The following CTNNA2 variants were observed in gnomAD, a reference collection of about 807,000 sequenced individuals.
CTNNA2 encodes catenin alpha 2.
CTNNA2 carries 42 observed loss-of-function variants against 101.0 expected under a neutral mutation model. The observed-to-expected ratio is 0.42, with a 90% confidence interval of 0.32 to 0.54. The LOEUF (loss-of-function observed/expected upper bound fraction) is 0.54, where lower values mean the gene tolerates loss of function less well. CTNNA2 is among the 20% of genes least tolerant of loss of function. The pLI, the probability that CTNNA2 is intolerant of heterozygous loss-of-function variation, is 0.14. For synonymous variants in CTNNA2, 450 were observed against 456.4 expected (o/e 0.99, Z 0.18); for missense variants, 871 against 1,223.1 (o/e 0.71, Z 4.29).
intron 9 of CTNNA2, among the ~76,000 whole-genome samples, chr2:80,521,074 G>T (rs1030208911): frequency 1.3e-5 from 2 of 152,294 alleles, no homozygotes; most frequent in Admixed American, 6.5e-5. Flanking sequence ...TGATGAGAAA[G>T]CCAGCTGTGA....
At chr2:80,281,758 T>A in intron 7 of CTNNA2, among the ~76,000 whole-genome samples, 1 of 152,204 alleles carries the variant, frequency 6.6e-6, no homozygotes, top group East Asian at 1.9e-4. Flanking sequence ...TTAATGAAAT[T>A]ACTTAAATAT....
At chr2:80,169,193 G>C (rs1296957125) in intron 7 of CTNNA2, among the ~76,000 whole-genome samples, 1 of 152,206 alleles carries the variant, frequency 6.6e-6, no homozygotes, top group Non-Finnish European at 1.5e-5. Flanking sequence ...GCTGTGGATG[G>C]ATCCCCCAAA....
chr2:80,122,754 C>A (rs1219307834), intron 7 of CTNNA2, among the ~76,000 whole-genome samples: 1 of 152,090 alleles, frequency 6.6e-6, no homozygotes, highest in African/African-American at 2.4e-5. Flanking sequence ...TGTGTGTGCG[C>A]ATGTGCATAT....
chr2:80,026,089 A>C (rs903767445), intron 7 of CTNNA2, among the ~76,000 whole-genome samples: 1 of 152,170 alleles, frequency 6.6e-6, no homozygotes, highest in African/African-American at 2.4e-5. Flanking sequence ...TTCTTGGGGA[A>C]GATCTCACTA....
At chr2:80,178,748 G>A (rs1705561418) in intron 7 of CTNNA2, among the ~76,000 whole-genome samples, 1 of 152,130 alleles carries the variant, frequency 6.6e-6, no homozygotes, top group Non-Finnish European at 1.5e-5. Flanking sequence ...CTTTTTCTTG[G>A]TTGTAGGAGG....
chr2:79,575,188 G>A (rs575526900), intron 1 of CTNNA2, among the ~76,000 whole-genome samples: 8 of 152,124 alleles, frequency 5.3e-5, no homozygotes, highest in South Asian at 2.1e-4. Context: ...TCTGGTTCTC[G>A]AAGTTTATCC....
At chr2:80,536,833 C>T (rs769627008) in intron 9 of CTNNA2, among the ~76,000 whole-genome samples, 4 of 152,134 alleles carry the variant, frequency 2.6e-5, no homozygotes, top group Admixed American at 6.5e-5. Context: ...TGTACAGCCA[C>T]GATGTAGTTT....
chr2:79,571,207 A>G lies in CTNNA2; in HGVS notation c.-6+58000A>G, dbSNP rs895562948. On this transcript the variant is annotated intron_variant, in intron 1 of 18. Coordinates refer to ENST00000402739, the MANE Select transcript of CTNNA2 (RefSeq NM_001282597.3). ...GAAATGGGCCTGTTTTCCATTTCTC[A>G]TTTGGAATGGTCAGTAACAAGTGTC... Among the ~76,000 whole-genome samples the G allele has an allele frequency of 2.0e-5, 3 of 152,110 alleles. 1 individual carries two copies.
At chr2:79,214,744 A>G (rs562461503) in intron 2 of CTNNA2, among the ~76,000 whole-genome samples, 9 of 152,236 alleles carry the variant, frequency 5.9e-5, no homozygotes, top group South Asian at 2.1e-4. Context: ...CTGTAGTCCA[A>G]GAATAGTCAG....
chr2:79,747,408 A>G (rs1231056124), intron 3 of CTNNA2, among the ~76,000 whole-genome samples: 1 of 152,206 alleles, frequency 6.6e-6, no homozygotes, highest in African/African-American at 2.4e-5. Flanking sequence ...AAAATTTACA[A>G]TATGATAAAT....
In CTNNA2 at chr2:80,360,683, C is replaced by T. The variant is rs531199462; in HGVS notation, c.1057-32528C>T. ...TGTAAGTGGCCCTGCTTACAAACCA[C>T]TTCTCTAGAACAGAAGTACAAGTGA... On this transcript the variant is annotated intron_variant, in intron 7 of 18. Transcript: ENST00000402739. Among the ~76,000 whole-genome samples the T allele has an allele frequency of 4.6e-5, 7 of 152,178 alleles. No individual in the cohort carries two copies. In the East Asian group the frequency reaches 1.2e-3, roughly 25 times the overall value.
intron 7 of CTNNA2, among the ~76,000 whole-genome samples, chr2:80,185,015 A>G (rs1164503583): frequency 6.6e-6 from 1 of 152,188 alleles, no homozygotes; most frequent in Non-Finnish European, 1.5e-5. Context: ...CCAAAACTCA[A>G]TGGTTTAAAA....
chr2:80,187,472 G>A (rs1003812142), intron 7 of CTNNA2, among the ~76,000 whole-genome samples: 3 of 152,236 alleles, frequency 2.0e-5, no homozygotes, highest in African/African-American at 7.2e-5. Flanking sequence ...AACTACGTAT[G>A]TTGCTCATCT....
At chr2:79,186,060 C>T (rs1275542791) in intron 1 of CTNNA2, among the ~76,000 whole-genome samples, 1 of 152,116 alleles carries the variant, frequency 6.6e-6, no homozygotes, top group Non-Finnish European at 1.5e-5. Flanking sequence ...TTTCAGATTA[C>T]CATACTTTAT....
rs532252371 is a variant in CTNNA2, at chr2:79,230,250, G to A, written c.-406+32174G>A. 3.2e-3 allele frequency among the ~76,000 whole-genome samples: 493 copies of A among 152,322 alleles called. 1 individual carries two copies. The highest frequency in any genetic ancestry group is 4.2e-3 in the Non-Finnish European group (285 of 68,030). ...CATCACAGGCCCAGAGGCATAGGAG[G>A]AAGAAATTGTTTTGTTGGCTAGGCC... On this transcript the variant is annotated intron_variant, in intron 2 of 21. Transcript: ENST00000466387.
intron 7 of CTNNA2, among the ~76,000 whole-genome samples, chr2:79,958,823 G>T (rs1392496824): frequency 6.6e-6 from 1 of 151,604 alleles, no homozygotes; most frequent in Non-Finnish European, 1.5e-5. Context: ...AGGTTGTTGA[G>T]AATATCTTTA....
At chr2:80,434,353 G>A (rs909690996) in intron 9 of CTNNA2, among the ~76,000 whole-genome samples, 1 of 152,086 alleles carries the variant, frequency 6.6e-6, no homozygotes, top group Non-Finnish European at 1.5e-5. Flanking sequence ...TAATGTACTT[G>A]TAGCTATTCT....
At chr2:79,434,129 C>T (rs1465088772) in intron 4 of CTNNA2, among the ~76,000 whole-genome samples, 1 of 151,376 alleles carries the variant, frequency 6.6e-6, no homozygotes, top group African/African-American at 2.4e-5. Flanking sequence ...CCCATTTCTA[C>T]TAAAAATACA....
At chr2:80,229,029 A>T (rs1553472674) in intron 7 of CTNNA2, among the ~76,000 whole-genome samples, 1 of 152,198 alleles carries the variant, frequency 6.6e-6, no homozygotes, top group Non-Finnish European at 1.5e-5. Context: ...ATGACAGAGA[A>T]TTATTTTTTA....
Sources: gnomAD v4.1 joint callset for allele counts (sites outside exome capture counted in the v4.1 genomes callset) on GRCh38, gnomAD v4.1.1 for gene constraint, MANE v1.5 for transcripts, NCBI Gene and HGNC (gene_info 2026-07-23, HGNC 2026-07-21) for gene names.